The following MMS22L variants were observed in gnomAD, a reference collection of about 807,000 sequenced individuals.
MMS22L encodes the protein MMS22 like, DNA repair protein.
In MMS22L, 74 loss-of-function variants were observed where a neutral mutation model predicts 159.1. That is an observed-to-expected ratio of 0.47 (90% CI 0.39 to 0.56). The LOEUF is 0.56. MMS22L is among the 20% of genes least tolerant of loss of function. The probability of loss-of-function intolerance (pLI) is 0.00; values close to 1 mark genes in which losing one functional copy is unlikely to be tolerated. For missense variants in MMS22L, 1,351 were observed against 1,422.1 expected, an observed-to-expected ratio of 0.95 and a Z score of 0.80; for synonymous variants, 517 against 506.9, an observed-to-expected ratio of 1.02 and a Z score of -0.27.
intron 3 of MMS22L, among the ~76,000 whole-genome samples, chr6:97,279,259 G>A (rs377649711): frequency 1.3e-4 from 20 of 152,090 alleles, no homozygotes; most frequent in East Asian, 5.8e-4. Flanking sequence ...CGAGGCGGGC[G>A]GATTACGAGG....
chr6:97,213,738 A>G (rs1388957635), intron 14 of MMS22L, among the ~76,000 whole-genome samples: 3 of 152,168 alleles, frequency 2.0e-5, no homozygotes, highest in Non-Finnish European at 4.4e-5. Flanking sequence ...TTACACTGAA[A>G]ATGTTATTTG....
chr6:97,165,397 C>G lies in MMS22L; in HGVS notation c.3070G>C (p.Gly1024Arg). The change falls in exon 21 of 25, where the codon GGG becomes CGG. Residue 1024 changes from glycine (G) to arginine (R), a missense_variant. Transcript: ENST00000683635. The part of the protein sequence containing the change: ...NPNAYLNQLL[G>R]NVIEQYIGRF... Reference sequence around the variant, plus strand: ...CCAATATACTGCTCAATAACATTCCCTAGCAATTGATTCAAATAGGCATTC... The same window carrying G: ...CCAATATACTGCTCAATAACATTCCGTAGCAATTGATTCAAATAGGCATTC... 6.2e-7 allele frequency: 1 copy of G among 1,613,150 alleles called. No homozygotes were observed. The highest frequency in any genetic ancestry group is 2.2e-5 in the East Asian group (1 of 44,834).
intron 10 of MMS22L, among the ~76,000 whole-genome samples, chr6:97,249,490 G>C (rs1277435909): frequency 6.6e-6 from 1 of 152,068 alleles, no homozygotes; most frequent in Non-Finnish European, 1.5e-5. Flanking sequence ...CCTGAAACTT[G>C]GTAGTTGGCC....
intron 12 of MMS22L, among the ~76,000 whole-genome samples, chr6:97,233,416 G>A (rs568915989): frequency 6.6e-5 from 10 of 152,060 alleles, no homozygotes; most frequent in African/African-American, 1.2e-4. Context: ...TACAGATACC[G>A]GGTTAGATAC....
intron 14 of MMS22L, among the ~76,000 whole-genome samples, chr6:97,218,273 G>T (rs1042578939): frequency 6.6e-6 from 1 of 152,154 alleles, no homozygotes; most frequent in Admixed American, 6.5e-5. Flanking sequence ...ATGAAATTCA[G>T]ATTATGCATT....
chr6:97,212,682 A>G (rs1196476410), intron 14 of MMS22L, among the ~76,000 whole-genome samples: 1 of 152,240 alleles, frequency 6.6e-6, no homozygotes, highest in African/African-American at 2.4e-5. Flanking sequence ...ACAGTGAAAG[A>G]GCAGAGTCAG....
At chr6:97,227,153 C>T (rs1810353951) in intron 14 of MMS22L, among the ~76,000 whole-genome samples, 1 of 146,332 alleles carries the variant, frequency 6.8e-6, no homozygotes, top group African/African-American at 2.5e-5. Flanking sequence ...ATTTAAAGTA[C>T]TTGTAGGATA....
chr6:97,165,274 G>C lies in MMS22L; in HGVS notation c.3193C>G (p.Leu1065Val). Residue 1065 changes from leucine to valine, a missense_variant, in exon 21 of 25, where the codon CTA (leucine) becomes GTA (valine). Leu to Val is a conservative substitution (Grantham distance 32). Transcript: ENST00000683635. Reference protein sequence around the residue: ...NTATIPPISSLKKCIVQVIRK... With the variant: ...NTATIPPISSVKKCIVQVIRK... ...ATGACTTGCACAATGCATTTCTTTA[G>C]AGATGATATTGGTGGAATAGTGGCT... is the stretch of plus-strand genomic sequence containing the variant. 2.5e-6 allele frequency: 4 copies of C among 1,613,040 alleles called. No homozygotes were observed. The highest frequency in any genetic ancestry group is 3.4e-6 in the Non-Finnish European group (4 of 1,179,390).
At chr6:97,212,468 C>T (rs1317210021) in intron 14 of MMS22L, among the ~76,000 whole-genome samples, 1 of 152,166 alleles carries the variant, frequency 6.6e-6, no homozygotes, top group African/African-American at 2.4e-5. Context: ...AAAACTCTGT[C>T]TAATAAACCA....
chr6:97,251,759 C>T (rs1813257399), intron 10 of MMS22L, among the ~76,000 whole-genome samples: 2 of 152,080 alleles, frequency 1.3e-5, no homozygotes, highest in South Asian at 2.1e-4. Context: ...CTAATAAAAG[C>T]AATAATCTCC....
intron 23 of MMS22L, among the ~76,000 whole-genome samples, chr6:97,150,541 A>G (rs1355442905): frequency 6.6e-6 from 1 of 152,182 alleles, no homozygotes; most frequent in Non-Finnish European, 1.5e-5. Context: ...ATTTAGCCTT[A>G]AAACCTCTAC....
chr6:97,193,897 A>T (rs1202129025), intron 14 of MMS22L, among the ~76,000 whole-genome samples: 1 of 151,924 alleles, frequency 6.6e-6, no homozygotes, highest in Non-Finnish European at 1.5e-5. Context: ...AGTAGCTGGG[A>T]CTACAGGCGC....
intron 10 of MMS22L, among the ~76,000 whole-genome samples, chr6:97,250,437 C>T (rs556337683): frequency 6.6e-6 from 1 of 152,282 alleles, no homozygotes; most frequent in South Asian, 2.1e-4. Context: ...GCATTATGTT[C>T]TGGGTACAGA....
Position 97,186,651 on chromosome 6 carries a change from G to A in MMS22L, c.2079C>T (p.Asp693=). 2.5e-6 allele frequency: 4 copies of A among 1,583,016 alleles called. No individual in the cohort carries two copies. Among genetic ancestry groups the A allele is most frequent in the Non-Finnish European group, 3.4e-6 (4 of 1,166,350 alleles). The change falls in exon 15 of 25, where the codon GAC becomes GAT. Residue 693 remains aspartate, a synonymous_variant. Coordinates refer to ENST00000683635, the MANE Select transcript of MMS22L (RefSeq NM_001350599.2). ...AAGACTGTACAAATAGGTCCACATT[G>A]TCCCTTTGAAGTTCCTGACACAATT... ...HQQLCQELQR[D]NVDLFVQSSL... is the part of the protein sequence containing the mutation.
At chr6:97,180,561 A>T (rs1249699769) in intron 16 of MMS22L, among the ~76,000 whole-genome samples, 3 of 152,212 alleles carry the variant, frequency 2.0e-5, no homozygotes, top group African/African-American at 7.2e-5. Context: ...GTTGTCATAA[A>T]AAAGGACACA....
At chr6:97,261,088 C>T (rs1244889636) in intron 9 of MMS22L, 2 of 152,174 alleles carry the variant, frequency 1.3e-5, no homozygotes, top group Non-Finnish European at 2.9e-5. Flanking sequence ...TCAGTATCTT[C>T]ACATTCTGGC....
In MMS22L at chr6:97,278,889, C is replaced by G; in HGVS notation, c.300G>C (p.Leu100=). ...RELFHLFRQQ[L]YNLETLLQSS... ...ACTGTAACAAGGTTTCCAAGTTGTACAGTTGTTGCCTAATTTTAAAAATGT... is the reference window on the plus strand; with the variant it reads ...ACTGTAACAAGGTTTCCAAGTTGTAGAGTTGTTGCCTAATTTTAAAAATGT... The change falls in exon 4 of 25, where the codon CTG becomes CTC. Residue 100 remains leucine, a synonymous_variant. Transcript: ENST00000683635. 6 of 1,612,920 alleles carry G rather than the reference C, an allele frequency of 3.7e-6. No individual in the cohort carries two copies. The East Asian group carries it at 1.1e-4, about 30-fold the overall frequency.
Position 97,210,651 on chromosome 6 carries a change from C to T in MMS22L, c.2039+18243G>A, listed in dbSNP as rs146814208. On this transcript the variant is annotated intron_variant, in intron 14 of 24. Coordinates refer to ENST00000683635, the MANE Select transcript of MMS22L (RefSeq NM_001350599.2). Reference sequence around the variant, plus strand: ...TGACTGTATTAGTCTATATAGAAATCATGGAAAGATTGAACTGTGTTGTAT... The same window carrying T: ...TGACTGTATTAGTCTATATAGAAATTATGGAAAGATTGAACTGTGTTGTAT... Among the ~76,000 whole-genome samples the T allele has an allele frequency of 2.0e-5, 3 of 151,974 alleles. No individual in the cohort carries two copies. In the East Asian group the frequency reaches 5.8e-4, roughly 29 times the overall value.
chr6:97,247,077 CTA>C (rs1292907886), intron 10 of MMS22L, among the ~76,000 whole-genome samples: 1 of 149,794 alleles, frequency 6.7e-6, no homozygotes, highest in Non-Finnish European at 1.5e-5. Context: ...ACTTTAATCA[CTA>C]GAGCTTTTTC....
Sources: gnomAD v4.1 joint callset for allele counts (sites outside exome capture counted in the v4.1 genomes callset) on GRCh38, gnomAD v4.1.1 for gene constraint, MANE v1.5 for transcripts, NCBI Gene and HGNC (gene_info 2026-07-23, HGNC 2026-07-21) for gene names.